Variants in NRXN3 observed in about 807,000 individuals in gnomAD.
NRXN3 encodes neurexin III.
A neutral mutation model predicts 137.6 loss-of-function variants in NRXN3; 32 were observed. The ratio of observed to expected loss-of-function variants is 0.23; its 90% CI spans 0.18 to 0.31. The LOEUF (loss-of-function observed/expected upper bound fraction) is 0.31. NRXN3 is among the 10% of genes least tolerant of loss of function. The pLI, the probability that NRXN3 is intolerant of heterozygous loss-of-function variation, is 1.00. For missense variants in NRXN3, 1,574 were observed against 2,062.5 expected (o/e 0.76, Z 4.59); for synonymous variants, 798 against 784.5 (o/e 1.02, Z -0.29).
At chr14:79,229,535 C>T (rs1305074920) in intron 15 of NRXN3, among the ~76,000 whole-genome samples, 1 of 152,106 alleles carries the variant, frequency 6.6e-6, no homozygotes, top group Non-Finnish European at 1.5e-5. Flanking sequence ...AAGGAAAAAG[C>T]TGAAGGCACA....
chr14:78,635,593 C>G (rs2097560480), intron 4 of NRXN3, among the ~76,000 whole-genome samples: 1 of 152,172 alleles, frequency 6.6e-6, no homozygotes, highest in Admixed American at 6.5e-5. Context: ...CCTCTCCTCT[C>G]CAGCTCTGTG....
At chr14:78,743,148 G>T (rs551055277) in intron 8 of NRXN3, among the ~76,000 whole-genome samples, 2 of 152,296 alleles carry the variant, frequency 1.3e-5, no homozygotes, top group Admixed American at 1.3e-4. Flanking sequence ...TCATTAACCA[G>T]CTTGGTCACC....
intron 4 of NRXN3, among the ~76,000 whole-genome samples, chr14:78,603,952 C>A (rs1352960267): frequency 2.0e-5 from 3 of 152,084 alleles, no homozygotes; most frequent in Non-Finnish European, 4.4e-5. Context: ...AAAGACATAC[C>A]CGAGACTGAG....
intron 15 of NRXN3, among the ~76,000 whole-genome samples, chr14:79,053,524 A>G (rs2099645090): frequency 6.6e-6 from 1 of 152,150 alleles, no homozygotes; most frequent in South Asian, 2.1e-4. Context: ...AGGTTGTTAG[A>G]GCTAAAATCT....
intron 16 of NRXN3, among the ~76,000 whole-genome samples, chr14:79,568,281 A>G (rs2097568256): frequency 1.3e-5 from 2 of 152,188 alleles, no homozygotes; most frequent in Admixed American, 6.6e-5. Context: ...TACCCTCCAT[A>G]TCTCTAAAAG....
At chr14:79,065,413 G>A (rs1174367931) in intron 15 of NRXN3, among the ~76,000 whole-genome samples, 3 of 152,148 alleles carry the variant, frequency 2.0e-5, no homozygotes, top group African/African-American at 7.2e-5. Context: ...GAACTGGTGA[G>A]AGAAGAGACA....
intron 4 of NRXN3, among the ~76,000 whole-genome samples, chr14:78,386,023 T>C (rs1436275700): frequency 6.6e-6 from 1 of 151,560 alleles, no homozygotes; most frequent in African/African-American, 2.4e-5. Flanking sequence ...AGCTCTAAGG[T>C]ATTAGATTTT....
chr14:79,253,769 C>T (rs977512746), intron 15 of NRXN3, among the ~76,000 whole-genome samples: 1 of 152,192 alleles, frequency 6.6e-6, no homozygotes, highest in Non-Finnish European at 1.5e-5. Context: ...ATCATGAGAA[C>T]AGCATGGGGG....
At chr14:78,803,869 C>CCTTTCTTTT in intron 9 of NRXN3, 46 bp downstream of exon 9, 2 of 1,528,314 alleles carry the variant, frequency 1.3e-6, no homozygotes, top group East Asian at 2.3e-5. Flanking sequence ...GCTTGTCTTC[C>CCTTTCTTTT]CTTTCTTTTC....
intron 2 of NRXN3, among the ~76,000 whole-genome samples, chr14:78,248,942 G>A (rs940453818): frequency 3.3e-5 from 5 of 152,244 alleles, no homozygotes; most frequent in Middle Eastern, 3.4e-3. Flanking sequence ...GTCACTAAAC[G>A]GAGCCTGAAT....
intron 1 of NRXN3, among the ~76,000 whole-genome samples, chr14:78,180,377 A>T (rs1169160377): frequency 4.6e-5 from 7 of 152,152 alleles, no homozygotes; most frequent in Admixed American, 4.6e-4. Flanking sequence ...CAGTAGTAAC[A>T]AAAAGAACCA....
intron 15 of NRXN3, among the ~76,000 whole-genome samples, chr14:79,298,106 A>ATCCTTTAT (rs1167554255): frequency 1.3e-5 from 2 of 152,056 alleles, no homozygotes. Context: ...TCAGTCCTGA[A>ATCCTTTAT]TCCTTTATTT....
chr14:79,812,504 G>T lies in NRXN3; in HGVS notation c.4093+7314G>T, dbSNP rs1314311030. ...TCAGTGAACAGCATACCTTATCAGG[G>T]ATATGCAAGAAAAAAAAAATCACAC... On this transcript the variant is annotated intron_variant, in intron 20 of 20. Transcript: ENST00000335750. 2.9e-5 allele frequency among the ~76,000 whole-genome samples: 4 copies of T among 137,566 alleles called. No homozygotes were observed. The East Asian group carries it at 9.4e-4, about 32-fold the overall frequency. The allele number at this position is 137,566 out of a possible 152,430, so 90.2% of individuals were successfully genotyped here. A position where few individuals can be genotyped will look rare whatever the true frequency, so the allele number is the denominator to read the frequency against.
intron 16 of NRXN3, among the ~76,000 whole-genome samples, chr14:79,545,868 G>T (rs2097314519): frequency 6.6e-6 from 1 of 152,020 alleles, no homozygotes; most frequent in South Asian, 2.1e-4. Flanking sequence ...GATTGATATG[G>T]TTTGGCTGTG....
chr14:79,522,877 A>T (rs181006656), intron 16 of NRXN3, among the ~76,000 whole-genome samples: 4 of 152,312 alleles, frequency 2.6e-5, no homozygotes, highest in African/African-American at 9.6e-5. Flanking sequence ...TTGCTCTTTC[A>T]TCTTCAGTCA....
chr14:79,455,395 G>A, intron 15 of NRXN3, among the ~76,000 whole-genome samples: 1 of 152,122 alleles, frequency 6.6e-6, no homozygotes, highest in East Asian at 1.9e-4. Flanking sequence ...ATTTCATGAA[G>A]ATTTCTAACC....
intron 19 of NRXN3, among the ~76,000 whole-genome samples, chr14:79,795,390 T>C (rs2099158047): frequency 1.3e-5 from 2 of 152,178 alleles, no homozygotes; most frequent in Non-Finnish European, 2.9e-5. Context: ...ATTTTTTATA[T>C]AAATCATAGA....
chr14:79,171,972 T>G (rs1431160526), intron 15 of NRXN3, among the ~76,000 whole-genome samples: 3 of 152,084 alleles, frequency 2.0e-5, no homozygotes, highest in Non-Finnish European at 4.4e-5. Flanking sequence ...ATGTTTTACT[T>G]TATCTTGCAA....
intron 4 of NRXN3, among the ~76,000 whole-genome samples, chr14:78,568,969 T>G (rs1166008435): frequency 6.8e-6 from 1 of 147,224 alleles, no homozygotes; most frequent in African/African-American, 2.6e-5. Context: ...AGGTTTTTTT[T>G]TTTTTTTTTT....
Sources: gnomAD v4.1 joint callset for allele counts (sites outside exome capture counted in the v4.1 genomes callset) on GRCh38, gnomAD v4.1.1 for gene constraint, MANE v1.5 for transcripts, NCBI Gene and HGNC (gene_info 2026-07-23, HGNC 2026-07-21) for gene names.